Variants in ACAD10 observed in about 807,000 individuals in gnomAD.
The protein encoded by ACAD10 is acyl-CoA dehydrogenase family member 10, also known as ACAD-10.
A neutral mutation model predicts 116.8 loss-of-function variants in ACAD10; 112 were observed. The ratio of observed to expected loss-of-function variants is 0.96; its 90% CI spans 0.82 to 1.12. ACAD10 has a LOEUF of 1.12. Among genes scored for constraint, ACAD10 ranks in the 50% most tolerant of loss-of-function variants. The pLI is 0.00. For synonymous variants in ACAD10, 486 were observed against 510.6 expected (o/e 0.95, Z 0.65); for missense variants, 1,259 against 1,350.2 (o/e 0.93, Z 1.06).
intron 2 of ACAD10, among the ~76,000 whole-genome samples, chr12:111,698,865 G>A (rs529223428): frequency 7.2e-5 from 11 of 152,168 alleles, no homozygotes; most frequent in African/African-American, 2.4e-4. Context: ...GCTTTTAGCT[G>A]TACCAAAGTT....
intron 12 of ACAD10, among the ~76,000 whole-genome samples, chr12:111,741,675 C>A (rs1889747698): frequency 6.6e-6 from 1 of 152,144 alleles, no homozygotes; most frequent in African/African-American, 2.4e-5. Flanking sequence ...CATGTAAAAA[C>A]AACAAAATCC....
intron 18 of ACAD10, 59 bp downstream of exon 18, chr12:111,749,404 T>C: frequency 6.4e-7 from 1 of 1,561,710 alleles, no homozygotes; most frequent in East Asian, 2.3e-5. Flanking sequence ...TGCTTTGCTG[T>C]CGGACTTCAA....
chr12:111,744,089 A>T (rs1010894599), intron 12 of ACAD10, among the ~76,000 whole-genome samples: 4 of 152,114 alleles, frequency 2.6e-5, no homozygotes, highest in Non-Finnish European at 4.4e-5. Context: ...TTTGTAAAAA[A>T]AGTCTTGATG....
At chr12:111,704,820 T>G (rs945015676) in intron 3 of ACAD10, among the ~76,000 whole-genome samples, 3 of 151,772 alleles carry the variant, frequency 2.0e-5, no homozygotes, top group African/African-American at 4.8e-5. Context: ...CCCCAGTAGC[T>G]GGGACTACAG....
intron 1 of ACAD10, among the ~76,000 whole-genome samples, chr12:111,691,739 C>T (rs1888049916): frequency 6.6e-6 from 1 of 150,914 alleles, no homozygotes; most frequent in Non-Finnish European, 1.5e-5. Flanking sequence ...GGATTACAGG[C>T]ACCCAACACC....
chr12:111,726,096 A>G (rs1020175700), intron 8 of ACAD10, among the ~76,000 whole-genome samples: 1 of 152,004 alleles, frequency 6.6e-6, no homozygotes, highest in African/African-American at 2.4e-5. Context: ...TCTACTGAAA[A>G]TACAGAAATT....
At chr12:111,696,430 CAAG>C (rs1341419159) in intron 2 of ACAD10, among the ~76,000 whole-genome samples, 1 of 152,060 alleles carries the variant, frequency 6.6e-6, no homozygotes, top group African/African-American at 2.4e-5. Context: ...AATATCAAAA[CAAG>C]AATAATATTT....
intron 7 of ACAD10, 91 bp downstream of exon 7, chr12:111,716,053 A>G: frequency 6.5e-7 from 1 of 1,531,812 alleles, no homozygotes; most frequent in East Asian, 2.3e-5. Flanking sequence ...CTCCATAAAA[A>G]TACCCCAAGA....
chr12:111,723,155 A>G (rs1475671790), intron 8 of ACAD10, among the ~76,000 whole-genome samples: 4 of 96,184 alleles, frequency 4.2e-5, no homozygotes, highest in African/African-American at 1.2e-4. Flanking sequence ...TGACCCCCCC[A>G]CCTCCCTCCC....
intron 1 of ACAD10, 128 bp from the exon 2 acceptor site, chr12:111,692,569 G>C: frequency 2.3e-6 from 2 of 879,310 alleles, no homozygotes; most frequent in Non-Finnish European, 3.5e-6. Flanking sequence ...GGTCAGTTGT[G>C]GGTGTGATTC....
intron 7 of ACAD10, among the ~76,000 whole-genome samples, chr12:111,718,029 T>A (rs1425525760): frequency 2.1e-5 from 3 of 145,912 alleles, no homozygotes; most frequent in East Asian, 4.1e-4. Flanking sequence ...GGATCTATAG[T>A]GATATCCTTT....
intron 11 of ACAD10, 148 bp from the exon 12 acceptor site, chr12:111,736,683 G>A: frequency 1.4e-6 from 1 of 726,734 alleles, no homozygotes; most frequent in Non-Finnish European, 2.2e-6. Context: ...AAGGGAGCAA[G>A]AGCCAATGCA....
intron 8 of ACAD10, among the ~76,000 whole-genome samples, chr12:111,724,298 G>A (rs1229296325): frequency 6.6e-6 from 1 of 151,648 alleles, no homozygotes; most frequent in African/African-American, 2.4e-5. Context: ...GCGGCGGGGC[G>A]GAGACGCTCC....
chr12:111,750,240 C>T (rs753581363), intron 18 of ACAD10, among the ~76,000 whole-genome samples: 16 of 150,966 alleles, frequency 1.1e-4, no homozygotes, highest in African/African-American at 3.4e-4. Flanking sequence ...TACAGGCACC[C>T]GCCACCATGC....
intron 6 of ACAD10, 141 bp downstream of exon 6, chr12:111,712,798 C>T (rs1198536267): frequency 7.6e-6 from 7 of 926,368 alleles, no homozygotes; most frequent in East Asian, 7.3e-5. Context: ...CCTGGTGCAT[C>T]GGAGCACTGC....
chr12:111,687,738 G>A (rs1887915408), intron 1 of ACAD10, among the ~76,000 whole-genome samples: 2 of 152,200 alleles, frequency 1.3e-5, no homozygotes, highest in South Asian at 4.1e-4. Flanking sequence ...GTTCTACAGA[G>A]GAGTAACCTG....
At chr12:111,712,913 C>T (rs1888728698) in intron 6 of ACAD10, among the ~76,000 whole-genome samples, 2 of 152,242 alleles carry the variant, frequency 1.3e-5, no homozygotes, top group Admixed American at 6.5e-5. Flanking sequence ...CAGTGGTTGC[C>T]TGCTTTCAAC....
intron 18 of ACAD10, chr12:111,752,977 C>T (rs755191674): frequency 2.1e-4 from 33 of 159,612 alleles, no homozygotes; most frequent in Non-Finnish European, 2.9e-4. Flanking sequence ...GACCCTGTCT[C>T]TACAAAAAAT....
intron 18 of ACAD10, chr12:111,752,735 C>T (rs1396800218): frequency 6.6e-6 from 1 of 151,600 alleles, no homozygotes; most frequent in Non-Finnish European, 1.5e-5. Context: ...CTAGTGGTGA[C>T]TAGATGGTGG....
Sources: allele counts gnomAD v4.1 joint callset (sites outside exome capture counted in the v4.1 genomes callset), GRCh38; gene constraint gnomAD v4.1.1; transcripts MANE v1.5; gene names NCBI Gene and HGNC (gene_info 2026-07-23, HGNC 2026-07-21).